The following PGS1 variants were observed in gnomAD, a reference collection of about 807,000 sequenced individuals.
The protein encoded by PGS1 is CDP-diacylglycerol--glycerol-3-phosphate 3-phosphatidyltransferase, mitochondrial.
PGS1 carries 44 observed loss-of-function variants against 58.3 expected under a neutral mutation model. The ratio of observed to expected loss-of-function variants is 0.75; its 90% CI spans 0.59 to 0.97. The LOEUF (loss-of-function observed/expected upper bound fraction) is 0.97. Among genes scored for constraint, PGS1 ranks in the 50% least tolerant of loss-of-function variants. The pLI, the probability that PGS1 is intolerant of heterozygous loss-of-function variation, is 0.00. For missense variants in PGS1, 684 were observed against 731.1 expected (o/e 0.94, Z 0.74); for synonymous variants, 330 against 311.0 (o/e 1.06, Z -0.64).
chr17:78,381,406 C>A (rs2082027685), intron 1 of PGS1, among the ~76,000 whole-genome samples: 1 of 152,058 alleles, frequency 6.6e-6, no homozygotes, highest in Admixed American at 6.6e-5. Context: ...ATGCTTTGAC[C>A]GGTATTGAGT....
At chr17:78,398,168 C>T (rs548846530) in intron 3 of PGS1, 84 bp from the exon 4 acceptor site, 1 of 977,054 alleles carries the variant, frequency 1.0e-6, no homozygotes, top group Non-Finnish European at 1.7e-6. Flanking sequence ...GACGAGGGCA[C>T]TAGCCGATGG....
intron 7 of PGS1, among the ~76,000 whole-genome samples, chr17:78,405,992 A>G (rs772736363): frequency 1.3e-4 from 20 of 152,096 alleles, no homozygotes; most frequent in Non-Finnish European, 2.5e-4. Flanking sequence ...CTTTAAACCA[A>G]TGTTTTTCAA....
chr17:78,419,968 G>T, intron 9 of PGS1: 1 of 1,181,746 alleles, frequency 8.5e-7, no homozygotes, highest in Non-Finnish European at 1.1e-6. Flanking sequence ...CTTCCCAGGG[G>T]GTCCTGAAGA....
At chr17:78,417,954 G>A (rs2085344299) in intron 8 of PGS1, among the ~76,000 whole-genome samples, 1 of 145,216 alleles carries the variant, frequency 6.9e-6, no homozygotes, top group Non-Finnish European at 1.5e-5. Flanking sequence ...TTTTTTAATG[G>A]AGTCTTGTTC....
intron 8 of PGS1, 60 bp from the exon 9 acceptor site, chr17:78,419,486 G>T: frequency 6.8e-7 from 1 of 1,472,406 alleles, no homozygotes; most frequent in East Asian, 2.3e-5. Flanking sequence ...GGGCCAGCCG[G>T]CCATGTGGTG....
rs761633752 is a variant in PGS1, at chr17:78,403,976, C to A, written c.1289C>A (p.Ala430Glu). 23 of 1,613,936 alleles carry A rather than the reference C, an allele frequency of 1.4e-5. No homozygotes were observed. In the Admixed American group the frequency reaches 3.0e-4, roughly 21 times the overall value. Residue 430 changes from alanine to glutamate, a missense_variant, in exon 7 of 10, where the codon GCG becomes GAG. Ala to Glu is a moderately radical substitution (Grantham distance 107). Transcript: ENST00000262764. The stretch of plus-strand genomic sequence containing the variant: ...AAGGGGGTGGCCGGCGCCATCCCAG[C>A]GGCCTATGTGCACATCGAGCGACAG... Reference protein sequence around the residue: ...GAKGVAGAIPAAYVHIERQFF... With the variant: ...GAKGVAGAIPEAYVHIERQFF...
intron 1 of PGS1, among the ~76,000 whole-genome samples, chr17:78,386,985 T>TGATGATGTTGCAGTTA (rs2082436573): frequency 6.6e-6 from 1 of 150,870 alleles, no homozygotes; most frequent in African/African-American, 2.5e-5. Flanking sequence ...ATGATGGTGA[T>TGATGATGTTGCAGTTA]GATGGTGATG....
chr17:78,394,533 A>G (rs533544369), intron 2 of PGS1, among the ~76,000 whole-genome samples: 1 of 152,136 alleles, frequency 6.6e-6, no homozygotes, highest in Non-Finnish European at 1.5e-5. Flanking sequence ...CTTGGCTTGA[A>G]GAAACAGGTT....
rs367572812 is a variant in PGS1, at chr17:78,403,598, A to G, written c.911A>G (p.Asn304Ser). 60 of 1,613,144 alleles carry G rather than the reference A, an allele frequency of 3.7e-5. No individual in the cohort carries two copies. The highest frequency in any genetic ancestry group is 6.7e-5 in the Admixed American group (4 of 59,992). ...CGGGCCGAGTACTGCAAGGCAGCCA[A>G]TAAGAGGGTCATGGATGTGATCAAC... ...GDRAEYCKAA[N>S]KRVMDVINSA... Residue 304 changes from asparagine (N) to serine (S), a missense_variant, in exon 7 of 10, where the codon AAT becomes AGT. Transcript: ENST00000262764.
chr17:78,387,916 A>C (rs1296212890), intron 1 of PGS1, among the ~76,000 whole-genome samples: 1 of 152,064 alleles, frequency 6.6e-6, no homozygotes, highest in African/African-American at 2.4e-5. Flanking sequence ...TTTTTGAGTG[A>C]CACTAGTCCA....
chr17:78,395,425 G>A (rs1017980309), intron 2 of PGS1, among the ~76,000 whole-genome samples: 3 of 152,116 alleles, frequency 2.0e-5, no homozygotes, highest in Non-Finnish European at 4.4e-5. Context: ...GTCTTCCTGT[G>A]TTGACAATGC....
chr17:78,379,530 G>T (rs2081884825), intron 1 of PGS1, among the ~76,000 whole-genome samples: 1 of 152,086 alleles, frequency 6.6e-6, no homozygotes, highest in African/African-American at 2.4e-5. Flanking sequence ...AAAAAAAGGG[G>T]ATAAATAATT....
rs2146015882 is a variant in PGS1, at chr17:78,378,716, G to T, written c.51G>T (p.Leu17=). The T allele has an allele frequency of 2.0e-6, 3 of 1,519,756 alleles. No individual in the cohort carries two copies. In the South Asian group the frequency reaches 3.7e-5, roughly 19 times the overall value. The allele number at this position is 1,519,756 out of a possible 1,614,324, so 94.1% of individuals were successfully genotyped here. A position where few individuals can be genotyped will look rare whatever the true frequency, so the allele number is the denominator to read the frequency against. Reference sequence around the variant, plus strand: ...CGGGACCCGTGTTCTGGAGGCGACTGCTGGGCCTCCTGCCTGGCCGCCCAG... The same window carrying T: ...CGGGACCCGTGTTCTGGAGGCGACTTCTGGGCCTCCTGCCTGGCCGCCCAG... The part of the protein sequence containing the change: ...AAAGPVFWRR[L]LGLLPGRPGL... Residue 17 remains leucine (L), a synonymous_variant, in exon 1 of 10, where the codon CTG becomes CTT. Coordinates refer to ENST00000262764, the MANE Select transcript of PGS1 (RefSeq NM_024419.5).
Position 78,392,611 on chromosome 17 carries a change from C to T in PGS1, c.279C>T (p.Ser93=). 1 of 1,614,192 alleles carries T rather than the reference C, an allele frequency of 6.2e-7. No individual in the cohort carries two copies. The highest frequency in any genetic ancestry group is 2.2e-5 in the East Asian group (1 of 44,892). ...ACCTGGTTCCAGAATTTGGAGTCTC[C>T]AGTTCTCACGTTAGGGTGCTTTCTT... ...IRNLVPEFGV[S]SSHVRVLSSP... is the part of the protein sequence containing the mutation. Residue 93 remains serine, a synonymous_variant, in exon 2 of 10, where the codon TCC becomes TCT. Transcript: ENST00000262764.
At chr17:78,387,577 G>A (rs1172739739) in intron 1 of PGS1, among the ~76,000 whole-genome samples, 2 of 150,040 alleles carry the variant, frequency 1.3e-5, no homozygotes, top group African/African-American at 2.4e-5. Flanking sequence ...GGGATTACAG[G>A]TGTGAGCCAT....
rs545971359 is a variant in PGS1, at chr17:78,386,293, A to G, written c.144-6183A>G. On this transcript the variant is annotated intron_variant, in intron 1 of 9. Coordinates refer to ENST00000262764, the MANE Select transcript of PGS1 (RefSeq NM_024419.5). ...GCTGAGGTTGGTGTGGTGATGTAGT[A>G]CGGCTGGTTTGATTTTGAATGCTGG... is the stretch of plus-strand genomic sequence containing the variant. Among the ~76,000 whole-genome samples, 8 of 152,300 alleles carry G rather than the reference A, an allele frequency of 5.3e-5. No individual in the cohort carries two copies. In the South Asian group the frequency reaches 1.7e-3, roughly 32 times the overall value.
intron 7 of PGS1, among the ~76,000 whole-genome samples, chr17:78,408,512 TTGG>T (rs2084349947): frequency 6.6e-6 from 1 of 152,136 alleles, no homozygotes; most frequent in African/African-American, 2.4e-5. Context: ...GTGAGGCACC[TTGG>T]TGGGGCGCGT....
chr17:78,412,676 G>C (rs1313395665), intron 7 of PGS1, among the ~76,000 whole-genome samples: 1 of 152,224 alleles, frequency 6.6e-6, no homozygotes. Context: ...TGGACACCGA[G>C]TCATGGTGGC....
At chr17:78,401,261 C>A (rs1270613797) in intron 6 of PGS1, among the ~76,000 whole-genome samples, 2 of 152,128 alleles carry the variant, frequency 1.3e-5, no homozygotes, top group East Asian at 1.9e-4. Context: ...GCAATGAACA[C>A]GTGTGCCTGG....
Sources: allele counts gnomAD v4.1 joint callset (sites outside exome capture counted in the v4.1 genomes callset), GRCh38; gene constraint gnomAD v4.1.1; transcripts MANE v1.5; gene names NCBI Gene and HGNC (gene_info 2026-07-23, HGNC 2026-07-21).